TENM3: variants seen among roughly 807,000 people sequenced by gnomAD.
The protein encoded by TENM3 is teneurin-3.
In TENM3, 63 loss-of-function variants were observed where a neutral mutation model predicts 255.1. The observed-to-expected ratio is 0.25, with a 90% CI of 0.20 to 0.30. The LOEUF is 0.30. Among genes scored for constraint, TENM3 ranks in the 10% least tolerant of loss-of-function variants. TENM3 has a pLI of 1.00. For missense variants in TENM3, 2,929 were observed against 3,461.1 expected, an observed-to-expected ratio of 0.85 and a Z score of 3.86; for synonymous variants, 1,306 against 1,322.3, an observed-to-expected ratio of 0.99 and a Z score of 0.27.
At chr4:181,993,720 A>G in the TENM3 span, among the ~76,000 whole-genome samples, 1 of 152,162 alleles carries the variant, frequency 6.6e-6, no homozygotes, top group Non-Finnish European at 1.5e-5. Context: ...AAGCTGATGC[A>G]TTAAAATAAT....
chr4:182,763,481 C>T (rs1162785752), intron 22 of TENM3, among the ~76,000 whole-genome samples: 1 of 151,914 alleles, frequency 6.6e-6, no homozygotes, highest in Non-Finnish European at 1.5e-5. Context: ...AGGAGAATGG[C>T]GTGAACCCAG....
chr4:182,442,352 A>G (rs1449497553), intron 3 of TENM3, among the ~76,000 whole-genome samples: 1 of 152,220 alleles, frequency 6.6e-6, no homozygotes, highest in Non-Finnish European at 1.5e-5. Context: ...GGTTGATATT[A>G]TAAATTGTAA....
the TENM3 span, among the ~76,000 whole-genome samples, chr4:181,952,219 T>C: frequency 6.6e-6 from 1 of 152,216 alleles, no homozygotes; most frequent in Non-Finnish European, 1.5e-5. Flanking sequence ...TGTTTCTAAA[T>C]TGGGGCCTTT....
chr4:182,211,305 A>G (rs1250134631), intron 1 of TENM3, among the ~76,000 whole-genome samples: 2 of 152,176 alleles, frequency 1.3e-5, no homozygotes, highest in Admixed American at 6.5e-5. Flanking sequence ...TTCTTTTTCT[A>G]GTAGAAATCA....
rs545837015 is a variant in TENM3 at position 182,631,070 on chromosome 4, C to T, written c.988+2181C>T. On this transcript the variant is annotated intron_variant, in intron 5 of 27. Coordinates refer to ENST00000511685, the MANE Select transcript of TENM3 (RefSeq NM_001080477.4). Reference sequence around the variant, plus strand: ...TTCTAAGTAAAAACTCAAAATTTTCCTTTTTTTTTCATATTGCCTAGTTTT... The same window carrying T: ...TTCTAAGTAAAAACTCAAAATTTTCTTTTTTTTTTCATATTGCCTAGTTTT... Among the ~76,000 whole-genome samples, 1,120 of 150,960 alleles carry T rather than the reference C, an allele frequency of 7.4e-3. 8 individuals are homozygous for T. The highest frequency in any genetic ancestry group is 0.013 in the Non-Finnish European group (877 of 67,670).
chr4:181,968,551 CA>C, the TENM3 span, among the ~76,000 whole-genome samples: 1 of 152,160 alleles, frequency 6.6e-6, no homozygotes, highest in African/African-American at 2.4e-5. Context: ...ACTCATAAAA[CA>C]AAAAGCTCAC....
At chr4:182,298,838 T>G (rs71636177) in intron 1 of TENM3, among the ~76,000 whole-genome samples, 1 of 151,254 alleles carries the variant, frequency 6.6e-6, no homozygotes, top group Non-Finnish European at 1.5e-5. Context: ...CCGGGCGTGA[T>G]GGCGCCCACC....
the TENM3 span, among the ~76,000 whole-genome samples, chr4:181,989,448 T>C: frequency 6.6e-6 from 1 of 152,016 alleles, no homozygotes; most frequent in African/African-American, 2.4e-5. Context: ...GTTTACAAAC[T>C]GCTAAAAAAA....
rs553375874 is a variant in TENM3, at chr4:182,792,078, T to C, written c.5602-196T>C. 3.9e-5 allele frequency among the ~76,000 whole-genome samples: 6 copies of C among 152,304 alleles called. No homozygotes were observed. The South Asian group carries it at 6.2e-4, about 16-fold the overall frequency. On this transcript the variant is annotated intron_variant, in intron 25 of 27. Coordinates refer to ENST00000511685, the MANE Select transcript of TENM3 (RefSeq NM_001080477.4). The surrounding 1 kb of genome is among the most constrained non-coding windows in gnomAD (Gnocchi z 6.3). ...CACATTGTGAATCTCGAGCCACTAATTGCAGAACCCCTCACAATTAAGCAT... is the reference window on the plus strand; with the variant it reads ...CACATTGTGAATCTCGAGCCACTAACTGCAGAACCCCTCACAATTAAGCAT...
At chr4:182,230,263 C>T (rs945733519) in intron 1 of TENM3, among the ~76,000 whole-genome samples, 3 of 152,038 alleles carry the variant, frequency 2.0e-5, no homozygotes, top group Non-Finnish European at 4.4e-5. Flanking sequence ...TGTCCCTGCA[C>T]ACGTCTTCCA....
At chr4:181,672,141 G>A in the TENM3 span, among the ~76,000 whole-genome samples, 1 of 152,116 alleles carries the variant, frequency 6.6e-6, no homozygotes, top group Admixed American at 6.5e-5. Flanking sequence ...GTGATAGTCT[G>A]TCCAGATGAC....
At chr4:182,446,494 T>A (rs1304730054) in intron 3 of TENM3, among the ~76,000 whole-genome samples, 1 of 152,200 alleles carries the variant, frequency 6.6e-6, no homozygotes, top group Non-Finnish European at 1.5e-5. Context: ...CTTAAAACCT[T>A]TCATTCTTCC....
chr4:182,627,226 A>G (rs1265625821), intron 4 of TENM3, among the ~76,000 whole-genome samples: 1 of 152,148 alleles, frequency 6.6e-6, no homozygotes, highest in Non-Finnish European at 1.5e-5. Flanking sequence ...TATTCCAAGC[A>G]CTTTACTTTA....
At chr4:182,066,591 A>T in the TENM3 span, among the ~76,000 whole-genome samples, 14 of 30,906 alleles carry the variant, frequency 4.5e-4, no homozygotes, top group African/African-American at 9.4e-4. Context: ...GAATTATGGT[A>T]AAAAAAAAAT....
At chr4:182,446,448 T>C (rs1435711846) in intron 3 of TENM3, among the ~76,000 whole-genome samples, 1 of 152,234 alleles carries the variant, frequency 6.6e-6, no homozygotes, top group African/African-American at 2.4e-5. Context: ...ATCAGTCTTC[T>C]TGAGATTCAT....
At chr4:182,541,553 A>G (rs1029832751) in intron 3 of TENM3, among the ~76,000 whole-genome samples, 2 of 152,222 alleles carry the variant, frequency 1.3e-5, no homozygotes, top group Admixed American at 1.3e-4. Context: ...ATGCTATTTT[A>G]TAGGAATTTT....
At chr4:181,506,951 C>T in the TENM3 span, among the ~76,000 whole-genome samples, 1 of 152,142 alleles carries the variant, frequency 6.6e-6, no homozygotes, top group Non-Finnish European at 1.5e-5. Flanking sequence ...AAAATAGCAA[C>T]AGGCAGCATT....
At chr4:182,363,375 G>GTTAA (rs1478172573) in intron 3 of TENM3, among the ~76,000 whole-genome samples, 1 of 151,610 alleles carries the variant, frequency 6.6e-6, no homozygotes, top group Admixed American at 6.6e-5. Flanking sequence ...TGATATATGT[G>GTTAA]TGTATATATA....
At chr4:182,509,018 A>C (rs1213919590) in intron 3 of TENM3, among the ~76,000 whole-genome samples, 1 of 152,238 alleles carries the variant, frequency 6.6e-6, no homozygotes, top group East Asian at 1.9e-4. Context: ...CTTCTGATGC[A>C]CATGTAAATT....
Sources: allele counts gnomAD v4.1 joint callset (sites outside exome capture counted in the v4.1 genomes callset), GRCh38; gene constraint gnomAD v4.1.1; non-coding constraint Gnocchi (gnomAD v3.1); transcripts MANE v1.5; gene names NCBI Gene and HGNC (gene_info 2026-07-23, HGNC 2026-07-21).